GRIA3: variants seen among roughly 807,000 people sequenced by gnomAD.
The protein encoded by GRIA3 is glutamate receptor 3.
Under a neutral mutation model 63.0 loss-of-function variants are expected in GRIA3, and 3 were observed. The ratio of observed to expected loss-of-function variants is 0.05; its 90% confidence interval spans 0.02 to 0.12. The LOEUF is 0.12. Among genes scored for constraint, GRIA3 ranks in the 10% least tolerant of loss-of-function variants. The pLI is 1.00. For missense variants in GRIA3, 347 were observed against 700.9 expected, an observed-to-expected ratio of 0.50 and a Z score of 5.70; for synonymous variants, 274 against 257.9, an observed-to-expected ratio of 1.06 and a Z score of -0.60.
chrX:123,188,259 T>G (rs1927331751), intron 2 of GRIA3, among the ~76,000 whole-genome samples: 1 of 111,028 alleles, frequency 9.0e-6, no homozygotes, highest in Non-Finnish European at 1.9e-5. Flanking sequence ...TCACAATCAT[T>G]GAATGGGGGC....
At chrX:123,409,752 T>G (rs1436685219) in intron 10 of GRIA3, among the ~76,000 whole-genome samples, 1 of 111,751 alleles carries the variant, frequency 8.9e-6, no homozygotes, top group African/African-American at 3.3e-5. Flanking sequence ...CAAATGCATA[T>G]GGGGACCAGC....
At chrX:123,453,304 C>T (rs1176551585) in intron 12 of GRIA3, among the ~76,000 whole-genome samples, 3 of 110,579 alleles carry the variant, frequency 2.7e-5, no homozygotes, top group Admixed American at 9.6e-5. Context: ...GAAAACCAAA[C>T]ACCACATGTT....
At chrX:123,481,016 C>T (rs577135862) in intron 14 of GRIA3, among the ~76,000 whole-genome samples, 94 of 111,499 alleles carry the variant, frequency 8.4e-4, no homozygotes, top group African/African-American at 2.8e-3. Context: ...TCATTTTCCC[C>T]GTGCAATGAA....
At chrX:123,456,333 T>G (rs963104503) in intron 12 of GRIA3, among the ~76,000 whole-genome samples, 2 of 111,052 alleles carry the variant, frequency 1.8e-5, no homozygotes, top group Admixed American at 9.6e-5. Flanking sequence ...ATATAAAGTT[T>G]AAAGATATTC....
intron 2 of GRIA3, among the ~76,000 whole-genome samples, chrX:123,247,129 A>G (rs2044363879): frequency 8.9e-6 from 1 of 112,120 alleles, no homozygotes. Context: ...GAGTTTCTTC[A>G]TAGCTATATT....
chrX:123,291,002 G>A (rs1384813333), intron 3 of GRIA3, among the ~76,000 whole-genome samples: 1 of 111,729 alleles, frequency 9.0e-6, no homozygotes, highest in East Asian at 2.8e-4. Context: ...GGAGAACTCT[G>A]CTATAAGTTA....
intron 5 of GRIA3, among the ~76,000 whole-genome samples, chrX:123,378,408 G>C (rs1198499899): frequency 9.7e-6 from 1 of 103,587 alleles, no homozygotes; most frequent in African/African-American, 3.6e-5. Flanking sequence ...ATCAACTTGA[G>C]GCACTTTTTT....
intron 3 of GRIA3, among the ~76,000 whole-genome samples, chrX:123,267,497 C>T (rs748457656): frequency 1.3e-4 from 14 of 111,921 alleles, no homozygotes; most frequent in Admixed American, 2.9e-4. Context: ...GTAGATATAA[C>T]GCTATTTCAT....
chrX:123,417,989 G>C, intron 11 of GRIA3: 1 of 443,275 alleles, frequency 2.3e-6, no homozygotes, highest in Non-Finnish European at 3.9e-6. Flanking sequence ...CATTTCTATG[G>C]TATTGTATAT....
chrX:123,464,739 A>C lies in GRIA3; in HGVS notation c.2077-126A>C, dbSNP rs192729944. On this transcript the variant is annotated intron_variant, in intron 12 of 15. Transcript: ENST00000620443. ...TGTTTACGTATGTATGAACGTGCCT[A>C]CTAGGTTGCAGTGTAACGTGTTTTT... is the stretch of plus-strand genomic sequence containing the variant. 258 of 572,140 alleles carry C rather than the reference A, an allele frequency of 4.5e-4. No individual in the cohort carries two copies. The African/African-American group carries it at 5.1e-3, about 11-fold the overall frequency. The allele number at this position is 572,140 out of a possible 1,213,427, so 47.2% of individuals were successfully genotyped here. A position where few individuals can be genotyped will look rare whatever the true frequency, so the allele number is the denominator to read the frequency against.
intron 2 of GRIA3, among the ~76,000 whole-genome samples, chrX:123,237,191 A>G (rs2044306186): frequency 8.9e-6 from 1 of 112,014 alleles, no homozygotes; most frequent in South Asian, 3.7e-4. Flanking sequence ...GCAGGAATGA[A>G]TAAGAAGTAT....
chrX:123,313,777 C>T (rs1483390042), intron 3 of GRIA3, among the ~76,000 whole-genome samples: 1 of 112,045 alleles, frequency 8.9e-6, no homozygotes, highest in Non-Finnish European at 1.9e-5. Context: ...TCCATAGGCA[C>T]AGGCCACAAT....
At chrX:123,418,332 A>G (rs1225274346) in intron 11 of GRIA3, among the ~76,000 whole-genome samples, 3 of 112,015 alleles carry the variant, frequency 2.7e-5, no homozygotes, top group Non-Finnish European at 5.6e-5. Flanking sequence ...ATAGGAGAAT[A>G]TCTGTTTTAC....
intron 5 of GRIA3, among the ~76,000 whole-genome samples, chrX:123,360,448 C>T (rs369856958): frequency 8.8e-5 from 9 of 101,965 alleles, no homozygotes; most frequent in South Asian, 9.9e-4. Context: ...TTTGGGAGGC[C>T]GAGGTGGGTG....
chrX:123,206,755 A>G (rs1477225816), intron 2 of GRIA3, among the ~76,000 whole-genome samples: 1 of 111,619 alleles, frequency 9.0e-6, no homozygotes, highest in African/African-American at 3.3e-5. Flanking sequence ...ATGGCATCTC[A>G]CCTGGTGGAA....
chrX:123,306,312 C>T, intron 3 of GRIA3, among the ~76,000 whole-genome samples: 1 of 111,755 alleles, frequency 8.9e-6, no homozygotes, highest in Non-Finnish European at 1.9e-5. Context: ...GCTCAGAGAG[C>T]AGAACAGGTG....
intron 2 of GRIA3, among the ~76,000 whole-genome samples, chrX:123,209,229 T>C: frequency 8.9e-6 from 1 of 111,952 alleles, no homozygotes; most frequent in Non-Finnish European, 1.9e-5. Flanking sequence ...CCTCCCTGAA[T>C]CTAAGTTTCC....
At chrX:123,373,630 C>T (rs1468410784) in intron 5 of GRIA3, among the ~76,000 whole-genome samples, 1 of 112,294 alleles carries the variant, frequency 8.9e-6, no homozygotes, top group Non-Finnish European at 1.9e-5. Flanking sequence ...TCTCATGTGT[C>T]TGTTAGCTGC....
rs1003988431 is a variant in GRIA3 at position 123,490,721 on chromosome X, C to T, written c.*2011C>T. The T allele has an allele frequency of 3.6e-5, 4 of 112,064 alleles. No homozygotes were observed. Among genetic ancestry groups the T allele is most frequent in the East Asian group, 2.8e-4 (1 of 3,591 alleles). 9.2% of individuals were successfully genotyped at this position (112,064 alleles called of 1,213,427 possible). The stretch of plus-strand genomic sequence containing the variant: ...CAAGCTATGGGAGTTTGGCAGTAGT[C>T]ACTTGAGGATTTTTTTTCCAATTCT... On this transcript the variant is annotated 3_prime_UTR_variant, in exon 16 of 16. Coordinates refer to ENST00000620443, the MANE Select transcript of GRIA3 (RefSeq NM_007325.5).
Sources: gnomAD v4.1 joint callset for allele counts (sites outside exome capture counted in the v4.1 genomes callset) on GRCh38, gnomAD v4.1.1 for gene constraint, MANE v1.5 for transcripts, NCBI Gene and HGNC (gene_info 2026-07-23, HGNC 2026-07-21) for gene names.